Variants in RNF180 observed in about 807,000 individuals in gnomAD.
RNF180 encodes the protein E3 ubiquitin-protein ligase RNF180.
Under a neutral mutation model 59.2 loss-of-function variants are expected in RNF180, and 38 were observed. The observed-to-expected ratio is 0.64, with a 90% CI of 0.50 to 0.84. The LOEUF is 0.84. Ranked by LOEUF, RNF180 falls within the 40% of genes least tolerant of loss-of-function variation. RNF180 has a pLI of 0.00. For missense variants in RNF180, 705 were observed against 700.9 expected (o/e 1.01, Z -0.07); for synonymous variants, 262 against 240.3 (o/e 1.09, Z -0.84).
intron 5 of RNF180, among the ~76,000 whole-genome samples, chr5:64,271,383 A>G (rs185201553): frequency 7.2e-4 from 109 of 152,210 alleles, no homozygotes; most frequent in African/African-American, 2.6e-3. Flanking sequence ...TGACCAAAGT[A>G]TGAAAAGTAA....
At chr5:64,170,861 C>T (rs1749899700) in intron 1 of RNF180, among the ~76,000 whole-genome samples, 1 of 152,170 alleles carries the variant, frequency 6.6e-6, no homozygotes, top group South Asian at 2.1e-4. Context: ...GATTCAAGAG[C>T]AGTCTTTCTT....
chr5:64,218,560 G>A (rs1752752534), intron 5 of RNF180, among the ~76,000 whole-genome samples: 1 of 151,864 alleles, frequency 6.6e-6, no homozygotes, highest in South Asian at 2.1e-4. Flanking sequence ...TTAATTTTTT[G>A]ACTTTCCATA....
chr5:64,331,282 C>A (rs1266365259), intron 7 of RNF180, among the ~76,000 whole-genome samples: 2 of 152,164 alleles, frequency 1.3e-5, no homozygotes, highest in Non-Finnish European at 2.9e-5. Flanking sequence ...GGCTCCTGGG[C>A]AGAAAGGGGA....
chr5:64,306,326 C>G (rs559474266), intron 5 of RNF180, among the ~76,000 whole-genome samples: 1 of 151,600 alleles, frequency 6.6e-6, no homozygotes, highest in East Asian at 1.9e-4. Flanking sequence ...AGGTTCCAAT[C>G]ATAAATAATA....
intron 5 of RNF180, among the ~76,000 whole-genome samples, chr5:64,247,814 G>A (rs888062971): frequency 1.1e-4 from 17 of 151,936 alleles, no homozygotes; most frequent in Non-Finnish European, 1.9e-4. Context: ...AATCCTAAGC[G>A]AAAAGAACAA....
intron 5 of RNF180, among the ~76,000 whole-genome samples, chr5:64,231,860 A>G (rs112193952): frequency 3.6e-4 from 55 of 152,348 alleles, no homozygotes; most frequent in Admixed American, 7.2e-4. Context: ...TTTTGCAGCC[A>G]CTACAGATAT....
intron 5 of RNF180, among the ~76,000 whole-genome samples, chr5:64,230,848 T>A (rs977029742): frequency 1.3e-5 from 2 of 152,250 alleles, no homozygotes; most frequent in African/African-American, 2.4e-5. Flanking sequence ...AATTTCCACA[T>A]TATTCACTTC....
At chr5:64,309,886 T>G (rs904994893) in intron 5 of RNF180, among the ~76,000 whole-genome samples, 1 of 151,690 alleles carries the variant, frequency 6.6e-6, no homozygotes, top group Admixed American at 6.6e-5. Flanking sequence ...ATTTTTCCAT[T>G]CATCTTTTGG....
intron 5 of RNF180, among the ~76,000 whole-genome samples, chr5:64,234,780 T>A (rs1409406205): frequency 2.0e-5 from 3 of 151,408 alleles, no homozygotes; most frequent in African/African-American, 7.3e-5. Flanking sequence ...TTTGTATTTT[T>A]AGTAGAGACA....
intron 5 of RNF180, among the ~76,000 whole-genome samples, chr5:64,249,000 A>C (rs1326659935): frequency 3.3e-5 from 5 of 152,198 alleles, no homozygotes; most frequent in African/African-American, 1.2e-4. Context: ...AGACTAACAC[A>C]GGAATAGAAA....
In RNF180 at chr5:64,213,834, C is replaced by G. The variant is rs369405182; in HGVS notation, c.508C>G (p.Arg170Gly). The change falls in exon 4 of 8, where the codon CGA (arginine) becomes GGA (glycine). Residue 170 changes from arginine (R) to glycine (G), a missense_variant. Physicochemically the swap from Arg to Gly is moderately radical, Grantham distance 125 (BLOSUM62 -2). Coordinates refer to ENST00000389100, the MANE Select transcript of RNF180 (RefSeq NM_001113561.2). ...AAATCACAGGCTTTTAAACATGGCC[C>G]GAAATAATAATGACCCTGGAAGATT... ...NRNHRLLNMA[R>G]NNNDPGRLTE... 1.2e-6 allele frequency: 2 copies of G among 1,614,034 alleles called. No individual in the cohort carries two copies. Among genetic ancestry groups the G allele is most frequent in the Non-Finnish European group, 1.7e-6 (2 of 1,179,980 alleles).
intron 5 of RNF180, among the ~76,000 whole-genome samples, chr5:64,253,402 A>G (rs1182027731): frequency 6.6e-6 from 1 of 152,154 alleles, no homozygotes; most frequent in Non-Finnish European, 1.5e-5. Flanking sequence ...TGTTCTCTGT[A>G]AATTATTTCA....
intron 5 of RNF180, among the ~76,000 whole-genome samples, chr5:64,301,091 TA>T (rs3830627): frequency 0.34 from 51,643 of 151,504 alleles, 10,080 homozygotes; most frequent in African/African-American, 0.54. Context: ...CACAGTACTG[TA>T]ATATACACTG....
chr5:64,189,590 G>C (rs564713247), intron 1 of RNF180, among the ~76,000 whole-genome samples: 245 of 152,312 alleles, frequency 1.6e-3, no homozygotes, highest in Non-Finnish European at 3.1e-3. Flanking sequence ...TAAGCGAAGT[G>C]TTGAAGATGT....
At chr5:64,249,763 G>A (rs1462808212) in intron 5 of RNF180, among the ~76,000 whole-genome samples, 2 of 152,216 alleles carry the variant, frequency 1.3e-5, no homozygotes, top group Admixed American at 1.3e-4. Flanking sequence ...GGTCAATTTA[G>A]CAATCCTTAT....
At position 64,320,274 on chromosome 5, in the gene RNF180, T is replaced by A. The variant is rs1277073774; in HGVS notation, c.1228-4912T>A. On this transcript the variant is annotated intron_variant, in intron 5 of 7. Coordinates refer to ENST00000389100, the MANE Select transcript of RNF180 (RefSeq NM_001113561.2). ...AAAGCTAGCTTTGACATTTACACTC[T>A]GACAACACCATGGGAACTCCTTCCT... Among the ~76,000 whole-genome samples the A allele has an allele frequency of 4.0e-4, 61 of 152,208 alleles. 2 individuals carry two copies. Among genetic ancestry groups the A allele is most frequent in the Non-Finnish European group, 1.5e-5 (1 of 68,046 alleles).
chr5:64,241,671 C>T (rs1742814528), intron 5 of RNF180, among the ~76,000 whole-genome samples: 1 of 152,098 alleles, frequency 6.6e-6, no homozygotes, highest in African/African-American at 2.4e-5. Flanking sequence ...AAAATATCTT[C>T]ATAAGAGCTA....
At chr5:64,189,041 A>G (rs976151902) in intron 1 of RNF180, among the ~76,000 whole-genome samples, 7 of 152,008 alleles carry the variant, frequency 4.6e-5, no homozygotes, top group Non-Finnish European at 1.0e-4. Context: ...AGAGGAAAGG[A>G]CATATGAGGA....
At chr5:64,234,420 C>A (rs1334257406) in intron 5 of RNF180, among the ~76,000 whole-genome samples, 1 of 151,416 alleles carries the variant, frequency 6.6e-6, no homozygotes, top group Non-Finnish European at 1.5e-5. Context: ...GAGCCAAGAT[C>A]GCGCCAGTGC....
Sources: gnomAD v4.1 joint callset for allele counts (sites outside exome capture counted in the v4.1 genomes callset) on GRCh38, gnomAD v4.1.1 for gene constraint, MANE v1.5 for transcripts, NCBI Gene and HGNC (gene_info 2026-07-23, HGNC 2026-07-21) for gene names.